The following SLC20A1 variants were observed in gnomAD, a reference collection of about 807,000 sequenced individuals.
SLC20A1 encodes the protein solute carrier family 20 member 1.
In SLC20A1, 28 loss-of-function variants were observed where a neutral mutation model predicts 62.7. The ratio of observed to expected loss-of-function variants is 0.45; its 90% CI spans 0.33 to 0.61. The LOEUF (loss-of-function observed/expected upper bound fraction) is 0.61. Ranked by LOEUF, SLC20A1 falls within the 20% of genes least tolerant of loss-of-function variation. SLC20A1 has a pLI of 0.02. For synonymous variants in SLC20A1, 305 were observed against 302.9 expected (o/e 1.01, Z -0.07); for missense variants, 673 against 838.6 (o/e 0.80, Z 2.44).
chr2:112,660,819 G>A (rs1164170313), intron 9 of SLC20A1: 2 of 508,240 alleles, frequency 3.9e-6, no homozygotes, highest in East Asian at 6.2e-5. Flanking sequence ...TATGCTAAGA[G>A]CGGATAGTTA....
chr2:112,654,084 C>A (rs965611854), intron 5 of SLC20A1, among the ~76,000 whole-genome samples: 9 of 152,118 alleles, frequency 5.9e-5, no homozygotes, highest in African/African-American at 2.2e-4. Flanking sequence ...GATCACCGCA[C>A]CTCGCCAATA....
At position 112,663,421 on chromosome 2, in the gene SLC20A1, A is replaced by T. The variant is rs570616869; in HGVS notation, c.*396A>T. On this transcript the variant is annotated 3_prime_UTR_variant, in exon 11 of 11. Transcript: ENST00000272542. ...GAGCATGCTCTGCGTTGTTGGTTTC[A>T]CCAGCTTCTGCCCTCACATGCACAG... 1.2e-4 allele frequency: 39 copies of T among 336,516 alleles called. No individual in the cohort carries two copies. The highest frequency in any genetic ancestry group is 2.0e-4 in the Non-Finnish European group (36 of 175,818). The allele number at this position is 336,516 out of a possible 1,614,324, so 20.8% of individuals were successfully genotyped here. A position where few individuals can be genotyped will look rare whatever the true frequency, so the allele number is the denominator to read the frequency against.
At chr2:112,662,795 C>T in intron 10 of SLC20A1, 69 bp from the exon 11 acceptor site, 1 of 1,527,324 alleles carries the variant, frequency 6.5e-7, no homozygotes, top group African/African-American at 1.4e-5. Context: ...CAAACAGTCT[C>T]AGGTGTCTGT....
intron 9 of SLC20A1, 60 bp downstream of exon 9, chr2:112,660,632 C>G: frequency 7.2e-7 from 1 of 1,390,228 alleles, no homozygotes; most frequent in Non-Finnish European, 9.8e-7. Flanking sequence ...AGATATAACA[C>G]TGTCGAGTGC....
chr2:112,658,819 TC>T lies in SLC20A1; in HGVS notation c.779-4del. The T allele has an allele frequency of 6.3e-7, 1 of 1,588,076 alleles. No individual in the cohort carries two copies. Among genetic ancestry groups the T allele is most frequent in the South Asian group, 1.1e-5 (1 of 87,094 alleles). ...AACCAAAAAAGACCCCCCTTTTTTT[TC>T]CTAGGAGAAATAAAGTGTAGTCCTT... is the stretch of plus-strand genomic sequence containing the variant. On this transcript the variant is annotated splice_polypyrimidine_tract_variant and splice_region_variant and intron_variant, in intron 6 of 10. Transcript: ENST00000272542.
chr2:112,661,337 G>A (rs918617165), intron 10 of SLC20A1, 111 bp downstream of exon 10: 2 of 725,098 alleles, frequency 2.8e-6, no homozygotes, highest in African/African-American at 3.5e-5. Flanking sequence ...TTGGAGTCTT[G>A]AAGAGTTCAT....
Position 112,657,260 on chromosome 2 carries a change from G to A in SLC20A1, c.778+19G>A. The A allele has an allele frequency of 6.2e-7, 1 of 1,606,250 alleles. No homozygotes were observed. The highest frequency in any genetic ancestry group is 8.5e-7 in the Non-Finnish European group (1 of 1,175,916). The stretch of plus-strand genomic sequence containing the variant: ...ATTGAACGTAAGTAATAACTAAACA[G>A]CAGAAAAGTTTAACTACTAATGTTG... On this transcript the variant is annotated intron_variant, in intron 6 of 10. Transcript: ENST00000272542.
intron 5 of SLC20A1, 83 bp from the exon 6 acceptor site, chr2:112,657,039 C>T (rs549126171): frequency 6.5e-7 from 1 of 1,545,224 alleles, no homozygotes; most frequent in East Asian, 2.3e-5. Context: ...TGGGGAACCC[C>T]TCAGTCCCCA....
intron 5 of SLC20A1, chr2:112,653,256 G>A (rs2104644737): frequency 4.7e-6 from 1 of 214,254 alleles, no homozygotes; most frequent in South Asian, 7.1e-5. Context: ...TGAATGAGAA[G>A]AGTTGGGATG....
At position 112,659,527 on chromosome 2, in the gene SLC20A1, C is replaced by T. The variant is rs746267668; in HGVS notation, c.1372C>T (p.Arg458Ter). Reference sequence around the variant, plus strand: ...ATGGCCTAATGCAGACTCCAAGAAGCGAATTCGAATGGACAGTTACACCAG... The same window carrying T: ...ATGGCCTAATGCAGACTCCAAGAAGTGAATTCGAATGGACAGTTACACCAG... Reference protein sequence around the residue: ...LTWPNADSKKRIRMDSYTSYC... With the variant: ...LTWPNADSKK Residue 458 changes from arginine to a stop codon, truncating the protein, a stop_gained, in exon 8 of 11, where the codon CGA becomes TGA. Transcript: ENST00000272542. LOFTEE classifies it high-confidence loss of function. The T allele has an allele frequency of 1.2e-6, 2 of 1,614,174 alleles. No individual in the cohort carries two copies. Among genetic ancestry groups the T allele is most frequent in the South Asian group, 1.1e-5 (1 of 91,080 alleles).
At chr2:112,659,143 G>GGCTTATTGTTTTGGATTTGAT in intron 7 of SLC20A1, 49 bp downstream of exon 7, 2 of 1,607,086 alleles carry the variant, frequency 1.2e-6, no homozygotes, top group Non-Finnish European at 1.7e-6. Context: ...GTGGTGAGGA[G>GGCTTATTGTTTTGGATTTGAT]GCTTATTGTT....
At chr2:112,653,264 A>T (rs1390364090) in intron 5 of SLC20A1, 1 of 209,568 alleles carries the variant, frequency 4.8e-6, no homozygotes, top group African/African-American at 2.3e-5. Context: ...AAGAGTTGGG[A>T]TGTTTACCAC....
In SLC20A1 at chr2:112,658,928, C is replaced by G. The variant is rs200685704; in HGVS notation, c.882C>G (p.Asn294Lys). 1 of 1,614,004 alleles carries G rather than the reference C, an allele frequency of 6.2e-7. No homozygotes were observed. Among genetic ancestry groups the G allele is most frequent in the African/African-American group, 1.3e-5 (1 of 74,908 alleles). Residue 294 changes from asparagine (N) to lysine (K), a missense_variant, in exon 7 of 11, where the codon AAC becomes AAG. Coordinates refer to ENST00000272542, the MANE Select transcript of SLC20A1 (RefSeq NM_005415.5). ...AGTTGTCTGTTGGTGATATTGAAAACAAGCATCCTGTTTCTGAGGTAGGGC... is the reference window on the plus strand; with the variant it reads ...AGTTGTCTGTTGGTGATATTGAAAAGAAGCATCCTGTTTCTGAGGTAGGGC... The part of the protein sequence containing the change: ...ETKLSVGDIE[N>K]KHPVSEVGPA...
chr2:112,660,447 A>G lies in SLC20A1; in HGVS notation c.1668A>G (p.Ser556=). 6.2e-7 allele frequency: 1 copy of G among 1,614,166 alleles called. No individual in the cohort carries two copies. Among genetic ancestry groups the G allele is most frequent in the Non-Finnish European group, 8.5e-7 (1 of 1,180,032 alleles). The change falls in exon 9 of 11, where the codon TCA becomes TCG. Residue 556 remains serine (S), a synonymous_variant. Transcript: ENST00000272542. ...YLVYDTGDVS[S]KVATPIWLLL... is the part of the protein sequence containing the mutation. ...TTTATGACACAGGAGATGTTTCTTC[A>G]AAAGTGGCAACACCAATATGGCTTC...
chr2:112,658,178 T>C lies in SLC20A1; in HGVS notation c.779-647T>C, dbSNP rs114487649. ...AGGAGTTGAGACAAGTCTTGCTTTA[T>C]GTTAGTCAGTCTGTAGTTTGACTGA... On this transcript the variant is annotated intron_variant, in intron 6 of 10. Coordinates refer to ENST00000272542, the MANE Select transcript of SLC20A1 (RefSeq NM_005415.5). Among the ~76,000 whole-genome samples, 381 of 152,300 alleles carry C rather than the reference T, an allele frequency of 2.5e-3. 7 individuals are homozygous for C. The highest frequency in any genetic ancestry group is 3.5e-3 in the South Asian group (17 of 4,828).
At chr2:112,648,237 TGAAAA>T (rs1558689995) in intron 4 of SLC20A1, among the ~76,000 whole-genome samples, 1 of 152,154 alleles carries the variant, frequency 6.6e-6, no homozygotes, top group Admixed American at 6.6e-5. Context: ...TCAGAATAGT[TGAAAA>T]GAACCAGTTA....
intron 5 of SLC20A1, among the ~76,000 whole-genome samples, chr2:112,655,268 C>T (rs566994938): frequency 2.0e-5 from 3 of 151,968 alleles, no homozygotes; most frequent in South Asian, 4.2e-4. Context: ...CGCGTCTGGC[C>T]TTGTGTCTGA....
chr2:112,653,717 A>G (rs1309950878), intron 5 of SLC20A1, among the ~76,000 whole-genome samples: 2 of 151,736 alleles, frequency 1.3e-5, no homozygotes, highest in Non-Finnish European at 2.9e-5. Flanking sequence ...GTTTTGAGTA[A>G]TGGGTTGTGA....
intron 4 of SLC20A1, among the ~76,000 whole-genome samples, chr2:112,651,539 G>T (rs1318364746): frequency 6.6e-6 from 1 of 152,012 alleles, no homozygotes; most frequent in Admixed American, 6.6e-5. Context: ...GAGTAGCTGG[G>T]ACTACAGATG....
Sources: gnomAD v4.1 joint callset for allele counts (sites outside exome capture counted in the v4.1 genomes callset) on GRCh38, gnomAD v4.1.1 for gene constraint, MANE v1.5 for transcripts, NCBI Gene and HGNC (gene_info 2026-07-23, HGNC 2026-07-21) for gene names.